SMARCAL1: variants seen among roughly 807,000 people sequenced by gnomAD.
SMARCAL1 encodes ATP-driven annealing helicase.
SMARCAL1 carries 58 observed loss-of-function variants against 94.5 expected under a neutral mutation model. The ratio of observed to expected loss-of-function variants is 0.61; its 90% CI spans 0.50 to 0.76. The LOEUF (loss-of-function observed/expected upper bound fraction) is 0.76. Ranked by LOEUF, SMARCAL1 falls within the 30% of genes least tolerant of loss-of-function variation. SMARCAL1 has a pLI of 0.00. For synonymous variants in SMARCAL1, 422 were observed against 455.1 expected (o/e 0.93, Z 0.93); for missense variants, 1,051 against 1,177.9 (o/e 0.89, Z 1.58).
intron 16 of SMARCAL1, 34 bp from the exon 17 acceptor site, chr2:216,478,169 G>A: frequency 2.0e-6 from 3 of 1,526,220 alleles, no homozygotes; most frequent in Non-Finnish European, 2.7e-6. Flanking sequence ...TTCTGTGCAG[G>A]TTGTATTCAC....
At chr2:216,441,631 G>A (rs1173570766) in intron 10 of SMARCAL1, among the ~76,000 whole-genome samples, 1 of 152,172 alleles carries the variant, frequency 6.6e-6, no homozygotes, top group African/African-American at 2.4e-5. Context: ...TTCTGCAAGT[G>A]AACATCATCT....
Position 216,475,318 on chromosome 2 carries a change from AG to A in SMARCAL1, c.2296del (p.Asp766ThrfsTer46). 1 of 1,614,164 alleles carries A rather than the reference AG, an allele frequency of 6.2e-7. No homozygotes were observed. The part of the protein sequence containing the change: ...IDGSTSSAER[E>X]DLCQQFQLSE... ...GGCTCCACCTCATCAGCTGAGCGGG[AG>A]GACCTGTGCCAGCAGTTCCAACTGT... On this transcript the variant is annotated frameshift_variant, in exon 15 of 18. Coordinates refer to ENST00000357276, the MANE Select transcript of SMARCAL1 (RefSeq NM_014140.4). LOFTEE classifies it high-confidence loss of function. The surrounding 1 kb of genome is among the most constrained non-coding windows in gnomAD (Gnocchi z 4.4).
intron 10 of SMARCAL1, among the ~76,000 whole-genome samples, chr2:216,443,921 G>A (rs563733108): frequency 6.6e-6 from 1 of 152,344 alleles, no homozygotes; most frequent in East Asian, 1.9e-4. Context: ...TCTTCTGAAT[G>A]TCAAGCTTTT....
rs901035592 is a variant in SMARCAL1 at position 216,475,606 on chromosome 2, T to G, written c.2427+155T>G. Among the ~76,000 whole-genome samples the G allele has an allele frequency of 6.6e-6, 1 of 152,154 alleles. No individual in the cohort carries two copies. Among genetic ancestry groups the G allele is most frequent in the Admixed American group, 6.5e-5 (1 of 15,270 alleles). On this transcript the variant is annotated intron_variant, in intron 15 of 17. Transcript: ENST00000357276. The surrounding 1 kb of genome is among the most constrained non-coding windows in gnomAD (Gnocchi z 4.4). ...TCACTTCCTTTAAGCACTTCTATGT[T>G]GATTGACTAGTCTCTTTTTTTCTTT... is the stretch of plus-strand genomic sequence containing the variant.
chr2:216,464,364 G>T (rs916102924), intron 12 of SMARCAL1, among the ~76,000 whole-genome samples: 5 of 152,182 alleles, frequency 3.3e-5, no homozygotes, highest in Non-Finnish European at 7.3e-5. Flanking sequence ...TCTTGCAATG[G>T]TTCTTGGACA....
chr2:216,413,426 CAG>C (rs1358274456), intron 1 of SMARCAL1, among the ~76,000 whole-genome samples: 1 of 152,072 alleles, frequency 6.6e-6, no homozygotes, highest in Non-Finnish European at 1.5e-5. Flanking sequence ...AAAAAATAAT[CAG>C]GGTGCAATAT....
intron 14 of SMARCAL1, among the ~76,000 whole-genome samples, chr2:216,471,780 A>G (rs1317000383): frequency 1.3e-5 from 2 of 152,236 alleles, no homozygotes; most frequent in African/African-American, 4.8e-5. Flanking sequence ...TCATCAGACT[A>G]GTCAGATTTA....
intron 6 of SMARCAL1, among the ~76,000 whole-genome samples, chr2:216,426,110 C>T (rs1310973097): frequency 2.6e-5 from 4 of 152,244 alleles, no homozygotes; most frequent in Non-Finnish European, 4.4e-5. Context: ...GATCCTCCCA[C>T]CTTGGCCTCC....
chr2:216,434,123 G>A (rs910615316), intron 8 of SMARCAL1, among the ~76,000 whole-genome samples: 6 of 151,950 alleles, frequency 3.9e-5, no homozygotes, highest in Non-Finnish European at 8.8e-5. Context: ...TTCTGCCAGT[G>A]CCTGTAGAAA....
intron 8 of SMARCAL1, among the ~76,000 whole-genome samples, chr2:216,434,912 G>C (rs1694047671): frequency 2.0e-5 from 3 of 149,076 alleles, no homozygotes; most frequent in African/African-American, 7.4e-5. Context: ...AGGCCGGAGT[G>C]CAATGGCGCG....
chr2:216,435,582 C>A, intron 9 of SMARCAL1, 86 bp downstream of exon 9: 1 of 1,148,010 alleles, frequency 8.7e-7, no homozygotes, highest in Non-Finnish European at 1.3e-6. Context: ...TGTCTGTAAT[C>A]TCCTTGAGCC....
intron 12 of SMARCAL1, among the ~76,000 whole-genome samples, chr2:216,459,165 T>C (rs1199684288): frequency 1.3e-5 from 2 of 152,024 alleles, no homozygotes; most frequent in Non-Finnish European, 2.9e-5. Flanking sequence ...TAAAAACCAC[T>C]GGCTCAACGA....
At chr2:216,444,081 T>G (rs1214632467) in intron 10 of SMARCAL1, among the ~76,000 whole-genome samples, 1 of 152,212 alleles carries the variant, frequency 6.6e-6, no homozygotes, top group Non-Finnish European at 1.5e-5. Flanking sequence ...TTCTGAAGAT[T>G]GTATCATGAC....
chr2:216,434,851 A>T (rs867541921), intron 8 of SMARCAL1, among the ~76,000 whole-genome samples: 105 of 117,330 alleles, frequency 8.9e-4, no homozygotes, highest in Admixed American at 1.9e-3. Flanking sequence ...ACAACTCTCT[A>T]TTTTTTTTTT....
Position 216,415,128 on chromosome 2 carries a change from G to A in SMARCAL1, c.424G>A (p.Glu142Lys), listed in dbSNP as rs756864375. The A allele has an allele frequency of 6.2e-7, 1 of 1,613,258 alleles. No homozygotes were observed. The highest frequency in any genetic ancestry group is 1.7e-5 in the Admixed American group (1 of 59,904). ...EVPKQQLLSY[E>K]LGQGHAQASP... ...CCCTAAACAACAGCTCTTGAGTTAT[G>A]AGTTAGGTCAAGGTCATGCTCAGGC... Residue 142 changes from glutamate (E) to lysine (K), a missense_variant, in exon 3 of 18, where the codon GAG becomes AAG. This residue lies in a region of SMARCAL1 where 398 missense variants were observed against 395.2 expected (regional missense o/e 1.01). Transcript: ENST00000357276.
At position 216,475,280 on chromosome 2, in the gene SMARCAL1, C is replaced by T. The variant is rs147417446; in HGVS notation, c.2256C>T (p.His752=). The T allele has an allele frequency of 2.5e-6, 4 of 1,614,226 alleles. No homozygotes were observed. The highest frequency in any genetic ancestry group is 2.2e-5 in the South Asian group (2 of 91,092). ...CCTTGTTCCTGCAGCACGTGCAGCACATCCGCATCGATGGCTCCACCTCAT... is the reference window on the plus strand; with the variant it reads ...CCTTGTTCCTGCAGCACGTGCAGCATATCCGCATCGATGGCTCCACCTCAT... ...TQELERKHVQ[H]IRIDGSTSSA... The change falls in exon 15 of 18, where the codon CAC becomes CAT. Residue 752 remains histidine, a synonymous_variant. Transcript: ENST00000357276. This position sits in a 1 kb window ranked among gnomAD's most constrained non-coding sequence, Gnocchi z 4.4.
Position 216,415,047 on chromosome 2 carries a change from A to C in SMARCAL1, c.343A>C (p.Ser115Arg). 6.2e-7 allele frequency: 1 copy of C among 1,614,228 alleles called. No homozygotes were observed. The highest frequency in any genetic ancestry group is 8.5e-7 in the Non-Finnish European group (1 of 1,180,030). The part of the protein sequence containing the change: ...PTACPGHSPR[S>R]QMALTGISPP... ...AGCCTGCCCAGGCCACAGTCCACGT[A>C]GTCAAATGGCTCTCACTGGAATCTC... is the stretch of plus-strand genomic sequence containing the variant. Residue 115 changes from serine (S) to arginine (R), a missense_variant, in exon 3 of 18, where the codon AGT becomes CGT. Around this residue, in one of 3 missense-constraint regions of SMARCAL1, gnomAD observed 398 missense variants for 395.2 expected, o/e 1.01. Transcript: ENST00000357276.
In SMARCAL1 at chr2:216,482,677, G is replaced by A; in HGVS notation, c.2626-61G>A. On this transcript the variant is annotated intron_variant, in intron 17 of 17. Transcript: ENST00000357276. The surrounding 1 kb of genome is among the most constrained non-coding windows in gnomAD (Gnocchi z 4.3). ...TATTCTCTCATCAGCCCTAGTGGAGGAGAGTCAGTGTTGGAGCCTGGGCTC... is the reference window on the plus strand; with the variant it reads ...TATTCTCTCATCAGCCCTAGTGGAGAAGAGTCAGTGTTGGAGCCTGGGCTC... 2 of 1,612,220 alleles carry A rather than the reference G, an allele frequency of 1.2e-6. No individual in the cohort carries two copies. Among genetic ancestry groups the A allele is most frequent in the Non-Finnish European group, 1.7e-6 (2 of 1,178,544 alleles).
In SMARCAL1 at chr2:216,478,326, C is replaced by T. The variant is rs558679970; in HGVS notation, c.2625+27C>T. ...TAATGCCAGCACATGGCTCTTCACC[C>T]CTGGAGCAGAGGGAGGCATTAAGCT... On this transcript the variant is annotated intron_variant, in intron 17 of 17. Transcript: ENST00000357276. The T allele has an allele frequency of 9.7e-6, 15 of 1,546,874 alleles. No homozygotes were observed. The South Asian group carries it at 1.4e-4, about 15-fold the overall frequency.
Sources: gnomAD v4.1 joint callset for allele counts (sites outside exome capture counted in the v4.1 genomes callset) on GRCh38, gnomAD v4.1.1 for gene constraint, gnomAD v4.1.1 regional missense constraint, Gnocchi (gnomAD v3.1) non-coding constraint, MANE v1.5 for transcripts, NCBI Gene and HGNC (gene_info 2026-07-23, HGNC 2026-07-21) for gene names.